The following GPRC5C variants were observed in gnomAD, a reference collection of about 807,000 sequenced individuals.
GPRC5C encodes the protein G protein-coupled receptor class C group 5 member C.
A neutral mutation model predicts 31.4 loss-of-function variants in GPRC5C; 22 were observed. The ratio of observed to expected loss-of-function variants is 0.70; its 90% CI spans 0.50 to 1.00. The LOEUF is 1.00. Among genes scored for constraint, GPRC5C ranks in the 50% least tolerant of loss-of-function variants. The pLI is 0.00. For missense variants in GPRC5C, 557 were observed against 597.2 expected, an observed-to-expected ratio of 0.93 and a Z score of 0.70; for synonymous variants, 249 against 257.5, an observed-to-expected ratio of 0.97 and a Z score of 0.32.
rs926444909 is a variant in GPRC5C at position 74,432,154 on chromosome 17, G to A, written c.-33+13G>A. 3.1e-6 allele frequency: 5 copies of A among 1,607,856 alleles called. No homozygotes were observed. The Admixed American group carries it at 5.1e-5, about 16-fold the overall frequency. On this transcript the variant is annotated intron_variant, in intron 1 of 3. Coordinates refer to ENST00000392627, the MANE Select transcript of GPRC5C (RefSeq NM_022036.4). ...GCTCAGCCTGGAGGTGAGTCGGGGC[G>A]GGGAGGGCCGGGCAGGCTTTGTTCC...
chr17:74,449,438 C>A, downstream of GPRC5C: 1 of 936,314 alleles, frequency 1.1e-6, no homozygotes, highest in Non-Finnish European at 1.5e-6. Flanking sequence ...CCGGGCCCAG[C>A]ACCTTTCCCA....
In GPRC5C at chr17:74,447,060, TG is replaced by T. The variant is rs1167631145; in HGVS notation, c.*36del. 21 of 1,593,068 alleles carry T rather than the reference TG, an allele frequency of 1.3e-5. No individual in the cohort carries two copies. Among genetic ancestry groups the T allele is most frequent in the Non-Finnish European group, 1.8e-5 (21 of 1,165,070 alleles). On this transcript the variant is annotated 3_prime_UTR_variant, in exon 4 of 4. Transcript: ENST00000392627. ...GGTGGCGAGGAGAGGCGGGCGGATT[TG>T]GGGAGGGCCCTGAGGACCTGGCCCC...
At chr17:74,448,878 T>C (rs1295210973), downstream of GPRC5C, 1 of 1,289,660 alleles carries the variant, frequency 7.8e-7, no homozygotes, top group African/African-American at 1.5e-5. Context: ...TTCCTAAGAC[T>C]CTGACGTCCA....
Position 74,440,355 on chromosome 17 carries a change from C to G in GPRC5C, c.579C>G (p.Ser193Arg). The part of the protein sequence containing the change: ...SGEGGPQGNS[S>R]AGWAVASPCA... ...AGGGCGGCCCTCAGGGCAACAGCAG[C>G]GCAGGCTGGGCCGTGGCCTCCCCCT... is the stretch of plus-strand genomic sequence containing the variant. Residue 193 changes from serine to arginine, a missense_variant, in exon 2 of 4, where the codon AGC becomes AGG. Ser to Arg is a moderately radical substitution (Grantham distance 110, BLOSUM62 -1). Coordinates refer to ENST00000392627, the MANE Select transcript of GPRC5C (RefSeq NM_022036.4). The surrounding 1 kb of genome is among the most constrained non-coding windows in gnomAD (Gnocchi z 4.4). 3 of 1,614,146 alleles carry G rather than the reference C, an allele frequency of 1.9e-6. No individual in the cohort carries two copies. The highest frequency in any genetic ancestry group is 2.5e-6 in the Non-Finnish European group (3 of 1,180,026).
intron 2 of GPRC5C, among the ~76,000 whole-genome samples, chr17:74,441,185 G>A (rs1205885200): frequency 1.3e-5 from 2 of 152,046 alleles, no homozygotes; most frequent in Non-Finnish European, 2.9e-5. Flanking sequence ...GCTGAGGCGG[G>A]AGAATCACTT....
chr17:74,447,727 C>G (rs547248589), downstream of GPRC5C, among the ~76,000 whole-genome samples: 2 of 151,732 alleles, frequency 1.3e-5, no homozygotes, highest in South Asian at 4.2e-4. Flanking sequence ...CTCTGGGAAC[C>G]CCCCTCCAGT....
intron 2 of GPRC5C, chr17:74,443,280 T>G (rs2055571623): frequency 4.3e-6 from 1 of 232,620 alleles, no homozygotes; most frequent in Non-Finnish European, 8.5e-6. Flanking sequence ...GGCTGGGACG[T>G]GCGTTAAGGC....
intron 1 of GPRC5C, among the ~76,000 whole-genome samples, chr17:74,438,843 G>A (rs993235359): frequency 2.0e-5 from 3 of 152,202 alleles, no homozygotes; most frequent in Non-Finnish European, 4.4e-5. Context: ...ATTGGTATTG[G>A]GAGCAGGAGT....
At chr17:74,448,222 GC>G (rs1488405125), downstream of GPRC5C, among the ~76,000 whole-genome samples, 30 of 152,250 alleles carry the variant, frequency 2.0e-4, no homozygotes, top group Non-Finnish European at 1.5e-4. Flanking sequence ...GATCTCTTAA[GC>G]CCAGGAGGTC....
Position 74,439,829 on chromosome 17 carries a change from T to C in GPRC5C, c.53T>C (p.Phe18Ser), listed in dbSNP as rs375461029. The change falls in exon 2 of 4, where the codon TTC (phenylalanine) becomes TCC (serine). Residue 18 changes from phenylalanine to serine, a missense_variant. By Grantham distance (155) the Phe-to-Ser change is radical. Transcript: ENST00000392627. ...VMCLGLPLFL[F>S]PGAWAQGHVP... ...TGCCTGGGACTGCCTCTCTTCCTGT[T>C]CCCAGGGGCCTGGGCCCAGGGCCAT... is the stretch of plus-strand genomic sequence containing the variant. The C allele has an allele frequency of 8.1e-6, 13 of 1,613,602 alleles. No individual in the cohort carries two copies. Among genetic ancestry groups the C allele is most frequent in the Non-Finnish European group, 1.1e-5 (13 of 1,179,928 alleles).
chr17:74,434,945 C>T (rs1195702092), intron 1 of GPRC5C, among the ~76,000 whole-genome samples: 1 of 150,570 alleles, frequency 6.6e-6, no homozygotes, highest in South Asian at 2.1e-4. Flanking sequence ...AAAGGCTGGG[C>T]GCAGTGGCTC....
At position 74,440,625 on chromosome 17, in the gene GPRC5C, C is replaced by T. The variant is rs1208733390; in HGVS notation, c.849C>T (p.Ala283=). The T allele has an allele frequency of 3.1e-6, 5 of 1,608,368 alleles. No homozygotes were observed. The highest frequency in any genetic ancestry group is 2.6e-6 in the Non-Finnish European group (3 of 1,175,256). The part of the protein sequence containing the change: ...PTWDDPTLAI[A]LAANAWAFVL... The stretch of plus-strand genomic sequence containing the variant: ...GGGATGACCCCACGCTGGCCATCGC[C>T]CTCGCCGCCAATGCCTGGGCCTTCG... The change falls in exon 2 of 4, where the codon GCC becomes GCT. Residue 283 remains alanine (A), a synonymous_variant. Transcript: ENST00000392627. The surrounding 1 kb of genome is among the most constrained non-coding windows in gnomAD (Gnocchi z 4.4).
Position 74,440,089 on chromosome 17 carries a change from T to A in GPRC5C, c.313T>A (p.Phe105Ile), listed in dbSNP as rs201260759. 3.1e-6 allele frequency: 5 copies of A among 1,613,900 alleles called. 1 individual carries two copies. The African/African-American group carries it at 4.0e-5, about 13-fold the overall frequency. The stretch of plus-strand genomic sequence containing the variant: ...GACCCTGGGCCTCTTCTGCCTCGTG[T>A]TTGCCTGTGTGGTGAAGCCCGACTT... ...LGTLGLFCLV[F>I]ACVVKPDFST... Residue 105 changes from phenylalanine to isoleucine, a missense_variant, in exon 2 of 4, where the codon TTT becomes ATT. Phe to Ile is a conservative substitution (Grantham distance 21). Transcript: ENST00000392627. This position sits in a 1 kb window ranked among gnomAD's most constrained non-coding sequence, Gnocchi z 4.4.
chr17:74,444,757 T>C (rs2055601164), intron 3 of GPRC5C, among the ~76,000 whole-genome samples: 1 of 152,208 alleles, frequency 6.6e-6, no homozygotes, highest in South Asian at 2.1e-4. Flanking sequence ...CTGCGGGCTG[T>C]CAGCTCTGGC....
chr17:74,433,840 G>A, intron 1 of GPRC5C: 1 of 998,210 alleles, frequency 1.0e-6, no homozygotes, highest in Non-Finnish European at 1.6e-6. Context: ...GGGTGGAGGG[G>A]GTCTCAGGCT....
Position 74,439,669 on chromosome 17 carries a change from T to G in GPRC5C, c.-32-76T>G, listed in dbSNP as rs148585953. On this transcript the variant is annotated intron_variant, in intron 1 of 3. Transcript: ENST00000392627. The stretch of plus-strand genomic sequence containing the variant: ...CTAGCACTATCTGCCTGGGTTTAGG[T>G]TGGGGGAAGCAGCACCATGTATATT... The G allele has an allele frequency of 5.8e-6, 8 of 1,383,090 alleles. No homozygotes were observed. The Admixed American group carries it at 1.3e-4, about 22-fold the overall frequency. 85.7% of individuals were successfully genotyped at this position (1,383,090 alleles called of 1,614,324 possible). A position where few individuals can be genotyped will look rare whatever the true frequency, so the allele number is the denominator to read the frequency against.
chr17:74,448,947 C>A, downstream of GPRC5C: 3 of 1,248,608 alleles, frequency 2.4e-6, no homozygotes, highest in Non-Finnish European at 3.2e-6. Context: ...CACTTCCAGC[C>A]ATGTGGTTGA....
chr17:74,448,350 C>T (rs181247346), downstream of GPRC5C, among the ~76,000 whole-genome samples: 2 of 152,168 alleles, frequency 1.3e-5, no homozygotes, highest in Admixed American at 1.3e-4. Context: ...AAAAGCCTTT[C>T]CTCAGCAGCT....
chr17:74,437,103 CT>C (rs2055443026), intron 1 of GPRC5C, among the ~76,000 whole-genome samples: 1 of 152,110 alleles, frequency 6.6e-6, no homozygotes, highest in South Asian at 2.1e-4. Flanking sequence ...GCCACCACAC[CT>C]GGCTAATTTT....
Sources: allele counts gnomAD v4.1 joint callset (sites outside exome capture counted in the v4.1 genomes callset), GRCh38; gene constraint gnomAD v4.1.1; non-coding constraint Gnocchi (gnomAD v3.1); transcripts MANE v1.5; gene names NCBI Gene and HGNC (gene_info 2026-07-23, HGNC 2026-07-21).